The following GRIP1 variants were observed in gnomAD, a reference collection of about 807,000 sequenced individuals.
The protein encoded by GRIP1 is glutamate receptor interacting protein 1.
GRIP1 carries 45 observed loss-of-function variants against 129.9 expected under a neutral mutation model. The observed-to-expected ratio is 0.35, with a 90% CI of 0.27 to 0.44. GRIP1 has a LOEUF of 0.44. Among genes scored for constraint, GRIP1 ranks in the 20% least tolerant of loss-of-function variants. GRIP1 has a pLI of 1.00. For missense variants in GRIP1, 1,196 were observed against 1,396.8 expected (o/e 0.86, Z 2.29); for synonymous variants, 530 against 520.8 (o/e 1.02, Z -0.24).
At chr12:66,592,410 A>G (rs185348868) in intron 2 of GRIP1, among the ~76,000 whole-genome samples, 145 of 152,318 alleles carry the variant, frequency 9.5e-4, no homozygotes, top group African/African-American at 3.3e-3. Context: ...ATTGATAAGC[A>G]TTTCTTACAG....
intron 1 of GRIP1, among the ~76,000 whole-genome samples, chr12:66,841,520 T>C (rs1434510817): frequency 1.3e-5 from 2 of 152,244 alleles, no homozygotes; most frequent in Non-Finnish European, 2.9e-5. Context: ...AGCAGGGCAC[T>C]GCACAGCATT....
chr12:66,622,991 A>G (rs2065342112), intron 1 of GRIP1, among the ~76,000 whole-genome samples: 1 of 152,176 alleles, frequency 6.6e-6, no homozygotes, highest in Non-Finnish European at 1.5e-5. Flanking sequence ...TATATTATGA[A>G]TTCCATGAGG....
intron 1 of GRIP1, among the ~76,000 whole-genome samples, chr12:66,811,387 T>C (rs1326673624): frequency 6.6e-6 from 1 of 152,242 alleles, no homozygotes; most frequent in African/African-American, 2.4e-5. Flanking sequence ...GAGGAAAGAG[T>C]TGGACTAGAA....
At chr12:66,716,388 G>T (rs2035887911) in intron 1 of GRIP1, among the ~76,000 whole-genome samples, 1 of 151,738 alleles carries the variant, frequency 6.6e-6, no homozygotes, top group South Asian at 2.1e-4. Flanking sequence ...GCAGCCCAGG[G>T]AAATCAAGAC....
chr12:66,389,974 G>A (rs887702454), intron 19 of GRIP1, among the ~76,000 whole-genome samples: 5 of 152,184 alleles, frequency 3.3e-5, no homozygotes, highest in Non-Finnish European at 7.4e-5. Flanking sequence ...GAGTATCTAA[G>A]GGGCTGTCAG....
chr12:66,765,879 T>C (rs2037619622), intron 1 of GRIP1, among the ~76,000 whole-genome samples: 1 of 152,156 alleles, frequency 6.6e-6, no homozygotes, highest in South Asian at 2.1e-4. Context: ...AGGAAGAAGA[T>C]GGGAGGAGAA....
chr12:66,529,696 G>A, intron 5 of GRIP1, 135 bp downstream of exon 5: 1 of 690,944 alleles, frequency 1.4e-6, no homozygotes, highest in Non-Finnish European at 2.6e-6. Context: ...TACTGCTCGG[G>A]TCGTGGGTGC....
chr12:66,870,057 C>A (rs2040269724), intron 1 of GRIP1, among the ~76,000 whole-genome samples: 2 of 152,092 alleles, frequency 1.3e-5, no homozygotes, highest in Admixed American at 6.6e-5. Flanking sequence ...GTAACACCTT[C>A]CCCATTGTGA....
At chr12:66,360,953 C>T (rs546845215) in intron 23 of GRIP1, among the ~76,000 whole-genome samples, 2 of 152,352 alleles carry the variant, frequency 1.3e-5, no homozygotes, top group East Asian at 1.9e-4. Flanking sequence ...ACCTACTTCT[C>T]AGAAACAGTT....
Position 66,371,610 on chromosome 12 carries a change from T to C in GRIP1, c.3012+84A>G, listed in dbSNP as rs988012540. The C allele has an allele frequency of 2.3e-5, 20 of 866,700 alleles. 1 individual carries two copies. Among genetic ancestry groups the C allele is most frequent in the Admixed American group, 1.9e-4 (11 of 58,848 alleles). The allele number at this position is 866,700 out of a possible 1,614,324, so 53.7% of individuals were successfully genotyped here. ...TGGCTGAGCCCATAGGAGGATACCA[T>C]TGCCATGCTTACATCTCGGCGTACA... On this transcript the variant is annotated intron_variant, in intron 23 of 24. Transcript: ENST00000359742.
intron 1 of GRIP1, among the ~76,000 whole-genome samples, chr12:66,714,305 T>G (rs2035801109): frequency 6.6e-6 from 1 of 152,060 alleles, no homozygotes; most frequent in Non-Finnish European, 1.5e-5. Context: ...CATTTTTTAT[T>G]TCATTGAAAA....
chr12:66,541,157 G>C (rs1298245410), intron 3 of GRIP1, among the ~76,000 whole-genome samples: 4 of 151,962 alleles, frequency 2.6e-5, no homozygotes, highest in Admixed American at 2.6e-4. Context: ...CCCTTTTTCT[G>C]AGGCAGATTT....
At chr12:67,037,688 T>A (rs2043119164) in intron 1 of GRIP1, among the ~76,000 whole-genome samples, 1 of 152,148 alleles carries the variant, frequency 6.6e-6, no homozygotes, top group African/African-American at 2.4e-5. Context: ...TAAATCTAAG[T>A]CCTAAATCAT....
chr12:66,423,196 T>A (rs2137863099), intron 14 of GRIP1, among the ~76,000 whole-genome samples: 1 of 152,344 alleles, frequency 6.6e-6, no homozygotes, highest in South Asian at 2.1e-4. Flanking sequence ...ACTTATTAGC[T>A]ATATGTGCTT....
intron 7 of GRIP1, among the ~76,000 whole-genome samples, chr12:66,469,465 T>C (rs2059376371): frequency 6.6e-6 from 1 of 152,168 alleles, no homozygotes; most frequent in Non-Finnish European, 1.5e-5. Flanking sequence ...TCCTCAGACC[T>C]TCAAATATTT....
chr12:67,019,612 T>C (rs543311857), intron 1 of GRIP1, among the ~76,000 whole-genome samples: 5 of 152,234 alleles, frequency 3.3e-5, no homozygotes, highest in Non-Finnish European at 7.3e-5. Context: ...AGAGATAATA[T>C]CTAGAAAAAT....
intron 1 of GRIP1, among the ~76,000 whole-genome samples, chr12:66,848,869 C>A (rs1440490678): frequency 3.3e-5 from 5 of 152,144 alleles, no homozygotes; most frequent in Non-Finnish European, 2.9e-5. Flanking sequence ...CATCAACTTT[C>A]TTGGTCACAG....
chr12:66,615,535 G>A (rs183760906), intron 1 of GRIP1, among the ~76,000 whole-genome samples: 2 of 152,236 alleles, frequency 1.3e-5, no homozygotes, highest in Non-Finnish European at 2.9e-5. Flanking sequence ...GCACCAAAGT[G>A]TATATCCACT....
chr12:66,854,452 A>G lies in GRIP1; in HGVS notation c.58+214598T>C, dbSNP rs1024151753. Among the ~76,000 whole-genome samples, 4 of 151,574 alleles carry G rather than the reference A, an allele frequency of 2.6e-5. No individual in the cohort carries two copies. In the East Asian group the frequency reaches 7.9e-4, roughly 30 times the overall value. ...GATTTTCAGTGTAATTTAGATAAAT[A>G]TTTTATGTTAGTTACTCTAGGAATG... On this transcript the variant is annotated intron_variant, in intron 1 of 1. Transcript: ENST00000643019.
Sources: gnomAD v4.1 joint callset for allele counts (sites outside exome capture counted in the v4.1 genomes callset) on GRCh38, gnomAD v4.1.1 for gene constraint, MANE v1.5 for transcripts, NCBI Gene and HGNC (gene_info 2026-07-23, HGNC 2026-07-21) for gene names.